AMD1: variants seen among roughly 807,000 people sequenced by gnomAD.
AMD1 encodes S-adenosylmethionine decarboxylase proenzyme.
Under a neutral mutation model 40.2 loss-of-function variants are expected in AMD1, and 11 were observed. The ratio of observed to expected loss-of-function variants is 0.27; its 90% CI spans 0.17 to 0.45. AMD1 has a LOEUF of 0.45. AMD1 is among the 20% of genes least tolerant of loss of function. The probability of loss-of-function intolerance (pLI) is 1.00; values close to 1 mark genes in which losing one functional copy is unlikely to be tolerated. For synonymous variants in AMD1, 121 were observed against 130.8 expected (o/e 0.93, Z 0.51); for missense variants, 257 against 410.2 (o/e 0.63, Z 3.23).
At chr6:110,880,902 C>A (rs1043226355) in intron 1 of AMD1, among the ~76,000 whole-genome samples, 9 of 152,148 alleles carry the variant, frequency 5.9e-5, no homozygotes, top group African/African-American at 2.2e-4. Flanking sequence ...GAACTCCTGA[C>A]CTCAAGTGAT....
At chr6:110,822,091 G>A in the AMD1 span, among the ~76,000 whole-genome samples, 5 of 151,758 alleles carry the variant, frequency 3.3e-5, no homozygotes, top group African/African-American at 1.2e-4. Flanking sequence ...TAAGAGAGAA[G>A]GCCTGGCACA....
chr6:110,828,251 C>T, the AMD1 span, among the ~76,000 whole-genome samples: 1 of 151,868 alleles, frequency 6.6e-6, no homozygotes. Context: ...GCCAACATGG[C>T]GAAACCCCGT....
chr6:110,874,101 G>T (rs1784973796), upstream of AMD1, among the ~76,000 whole-genome samples: 2 of 152,190 alleles, frequency 1.3e-5, no homozygotes, highest in Admixed American at 1.3e-4. Flanking sequence ...GTAAAGCCGG[G>T]GCCCTCCAAG....
intron 2 of AMD1, chr6:110,888,321 C>CT (rs952213245): frequency 1.2e-4 from 18 of 151,254 alleles, no homozygotes; most frequent in East Asian, 3.9e-4. Flanking sequence ...CCCTCCCCCC[C>CT]TTTTTTTTTC....
At chr6:110,866,852 T>C in the AMD1 span, among the ~76,000 whole-genome samples, 1 of 151,998 alleles carries the variant, frequency 6.6e-6, no homozygotes, top group Admixed American at 6.6e-5. Flanking sequence ...TCACTCTTGT[T>C]GCCCAGGCTG....
the AMD1 span, among the ~76,000 whole-genome samples, chr6:110,864,736 T>G: frequency 6.6e-6 from 1 of 152,248 alleles, no homozygotes; most frequent in African/African-American, 2.4e-5. Flanking sequence ...GTTGGGAGTT[T>G]CTGTGACTTC....
At chr6:110,862,036 T>TTC in the AMD1 span, among the ~76,000 whole-genome samples, 86 of 145,978 alleles carry the variant, frequency 5.9e-4, no homozygotes, top group African/African-American at 2.0e-3. Context: ...TTTTTTTTTT[T>TTC]CGAGATGGAG....
At chr6:110,829,691 T>C in the AMD1 span, among the ~76,000 whole-genome samples, 1 of 144,960 alleles carries the variant, frequency 6.9e-6, no homozygotes. Context: ...TAATAATAAT[T>C]AAAAATTAAC....
the AMD1 span, among the ~76,000 whole-genome samples, chr6:110,840,159 A>C: frequency 6.6e-6 from 1 of 152,002 alleles, no homozygotes; most frequent in East Asian, 1.9e-4. Flanking sequence ...CTGGGATTAC[A>C]GGTGTGAGCC....
At chr6:110,870,099 A>G (rs1336980856), upstream of AMD1, among the ~76,000 whole-genome samples, 2 of 152,202 alleles carry the variant, frequency 1.3e-5, no homozygotes, top group Admixed American at 6.5e-5. Flanking sequence ...TTGTGAAACC[A>G]GAGGCATGCT....
chr6:110,826,446 T>G, the AMD1 span, among the ~76,000 whole-genome samples: 2 of 151,908 alleles, frequency 1.3e-5, no homozygotes, highest in Non-Finnish European at 2.9e-5. Context: ...TGGGTGGCTT[T>G]AAACAACAGG....
chr6:110,883,035 G>A lies in AMD1; in HGVS notation c.111-4470G>A, dbSNP rs1040833557. On this transcript the variant is annotated intron_variant, in intron 1 of 8. Coordinates refer to ENST00000368885, the MANE Select transcript of AMD1 (RefSeq NM_001634.6). ...GCTACTTGGGAGGCTGAGGTGGGAG[G>A]ATCTCTTTGAGCATGGGAGGCCAAG... is the stretch of plus-strand genomic sequence containing the variant. Among the ~76,000 whole-genome samples, 64 of 152,084 alleles carry A rather than the reference G, an allele frequency of 4.2e-4. 2 individuals carry two copies.
intron 1 of AMD1, among the ~76,000 whole-genome samples, chr6:110,884,873 G>A (rs1271728568): frequency 6.6e-6 from 1 of 152,224 alleles, no homozygotes; most frequent in African/African-American, 2.4e-5. Flanking sequence ...AAAGGAGTAT[G>A]TGCAAGAATA....
intron 1 of AMD1, among the ~76,000 whole-genome samples, chr6:110,878,511 AG>A (rs1384734686): frequency 6.6e-6 from 1 of 152,246 alleles, no homozygotes; most frequent in Non-Finnish European, 1.5e-5. Flanking sequence ...GTTGGAGAAA[AG>A]CAGCAGTCCA....
At chr6:110,857,447 G>T in the AMD1 span, among the ~76,000 whole-genome samples, 1 of 150,964 alleles carries the variant, frequency 6.6e-6, no homozygotes, top group East Asian at 1.9e-4. Context: ...CAGGAGAATC[G>T]CTTGAACCTG....
At chr6:110,864,188 C>T in the AMD1 span, 1 of 155,084 alleles carries the variant, frequency 6.4e-6, no homozygotes, top group Non-Finnish European at 1.4e-5. Context: ...AGGTGATCCG[C>T]CCGCCTTGGC....
chr6:110,822,764 G>A, the AMD1 span, among the ~76,000 whole-genome samples: 1 of 152,154 alleles, frequency 6.6e-6, no homozygotes, highest in Non-Finnish European at 1.5e-5. Context: ...CAGGGATGCA[G>A]GAATGGTTCA....
the AMD1 span, among the ~76,000 whole-genome samples, chr6:110,847,533 A>G: frequency 6.6e-6 from 1 of 151,770 alleles, no homozygotes; most frequent in Non-Finnish European, 1.5e-5. Context: ...TCAAAAAAAA[A>G]AAGAATTTCT....
chr6:110,826,549 T>C, the AMD1 span, among the ~76,000 whole-genome samples: 2 of 152,114 alleles, frequency 1.3e-5, no homozygotes, highest in Non-Finnish European at 2.9e-5. Flanking sequence ...GGAGAATCCT[T>C]CTGTGCAGAT....
Sources: gnomAD v4.1 joint callset for allele counts (sites outside exome capture counted in the v4.1 genomes callset) on GRCh38, gnomAD v4.1.1 for gene constraint, MANE v1.5 for transcripts, NCBI Gene and HGNC (gene_info 2026-07-23, HGNC 2026-07-21) for gene names.